TTC31: variants seen among roughly 807,000 people sequenced by gnomAD.
The protein encoded by TTC31 is tetratricopeptide repeat domain 31, also known as tetratricopeptide repeat protein 31.
TTC31 carries 59 observed loss-of-function variants against 60.4 expected under a neutral mutation model. The ratio of observed to expected loss-of-function variants is 0.98; its 90% CI spans 0.79 to 1.21. The LOEUF is 1.21. TTC31 is among the 50% of genes most tolerant of loss of function. TTC31 has a pLI of 0.00. For synonymous variants in TTC31, 225 were observed against 249.6 expected (o/e 0.90, Z 0.93); for missense variants, 672 against 646.9 (o/e 1.04, Z -0.42).
Position 74,490,022 on chromosome 2 carries a change from C to G in TTC31, c.130-3C>G. ...CCTCCCCTCCCCTCCCCTCCCCTCC[C>G]AGGACATAGTGGATTTTCTTCGACG... On this transcript the variant is annotated splice_region_variant and splice_polypyrimidine_tract_variant and intron_variant, in intron 2 of 12. Coordinates refer to ENST00000233623, the MANE Select transcript of TTC31 (RefSeq NM_022492.6). 3 of 1,553,800 alleles carry G rather than the reference C, an allele frequency of 1.9e-6. No homozygotes were observed. The highest frequency in any genetic ancestry group is 2.6e-6 in the Non-Finnish European group (3 of 1,147,706).
intron 1 of TTC31, 82 bp downstream of exon 1, chr2:74,483,217 G>C (rs1281207268): frequency 1.2e-6 from 2 of 1,613,580 alleles, no homozygotes; most frequent in Non-Finnish European, 1.7e-6. Context: ...TGAACGTTTC[G>C]AGTAGGATTT....
intron 11 of TTC31, 33 bp from the exon 12 acceptor site, chr2:74,492,613 A>G: frequency 6.2e-7 from 1 of 1,612,334 alleles, no homozygotes; most frequent in Middle Eastern, 1.7e-4. Context: ...CTTGACACCT[A>G]ATCTTTTCTT....
At chr2:74,490,004 T>TCCCC (rs746109356) in intron 2 of TTC31, 21 bp from the exon 3 acceptor site, 8 of 635,524 alleles carry the variant, frequency 1.3e-5, no homozygotes, top group South Asian at 3.0e-5. Context: ...CAGCCTCCCC[T>TCCCC]CCCCTCCCCT....
intron 1 of TTC31, 86 bp from the exon 2 acceptor site, chr2:74,483,235 AG>A: frequency 1.2e-6 from 2 of 1,613,200 alleles, no homozygotes. Context: ...TTTTATGCAG[AG>A]GGCGGAGAGT....
rs1673659132 is a variant in TTC31, at chr2:74,490,126, T to C, written c.231T>C (p.His77=). The C allele has an allele frequency of 6.2e-7, 1 of 1,600,682 alleles. No individual in the cohort carries two copies. Among genetic ancestry groups the C allele is most frequent in the Non-Finnish European group, 8.5e-7 (1 of 1,173,558 alleles). Residue 77 remains histidine (H), a splice_region_variant and synonymous_variant, in exon 3 of 13, where the codon CAT becomes CAC. Transcript: ENST00000233623. Reference sequence around the variant, plus strand: ...GCGGGCGGCTGCAGCTGTGGCACCATGGTGGGGAGTGCAGGGACCGGGCCC... The same window carrying C: ...GCGGGCGGCTGCAGCTGTGGCACCACGGTGGGGAGTGCAGGGACCGGGCCC... The part of the protein sequence containing the change: ...GSSGRLQLWH[H]DYLLGHLDDE...
rs555079760 is a variant in TTC31 at position 74,493,679 on chromosome 2, G to A, written c.*461G>A. ...TCTTCTCAGCCCCAGCTCGTGCCCT[G>A]TTTTTCTAGCCATAGCCCCCAGATT... is the stretch of plus-strand genomic sequence containing the variant. On this transcript the variant is annotated 3_prime_UTR_variant, in exon 13 of 13. Coordinates refer to ENST00000233623, the MANE Select transcript of TTC31 (RefSeq NM_022492.6). The A allele has an allele frequency of 6.3e-6, 1 of 158,386 alleles. No individual in the cohort carries two copies. Among genetic ancestry groups the A allele is most frequent in the East Asian group, 1.9e-4 (1 of 5,312 alleles). 9.8% of individuals were successfully genotyped at this position (158,386 alleles called of 1,614,324 possible).
chr2:74,492,712 C>G lies in TTC31; in HGVS notation c.1228C>G (p.Arg410Gly). The G allele has an allele frequency of 6.2e-7, 1 of 1,614,162 alleles. No homozygotes were observed. The highest frequency in any genetic ancestry group is 8.5e-7 in the Non-Finnish European group (1 of 1,180,024). ...LRGGSQPDAARELRSCLLHLT... is the reference protein window; with the variant it reads ...LRGGSQPDAAGELRSCLLHLT... ...AGGTGGGTCCCAGCCTGACGCAGCC[C>G]GAGAGCTCCGCTCTTGCCTTCTCCA... Residue 410 changes from arginine (R) to glycine (G), a missense_variant, in exon 12 of 13, where the codon CGA becomes GGA. Physicochemically the swap from Arg to Gly is moderately radical, Grantham distance 125. Coordinates refer to ENST00000233623, the MANE Select transcript of TTC31 (RefSeq NM_022492.6).
At chr2:74,483,470 C>CAGCT in intron 2 of TTC31, 60 bp downstream of exon 2, 1 of 1,612,120 alleles carries the variant, frequency 6.2e-7, no homozygotes, top group Middle Eastern at 1.6e-4. Context: ...TCTTTGAAGT[C>CAGCT]AGCTGTGCAG....
rs879511005 is a variant in TTC31 at position 74,486,264 on chromosome 2, C to CA, written c.129+2867dup. Reference sequence around the variant, plus strand: ...CTGGAGACAGGGTTAGACTCCGTCTCAAAAAAAAAAAAAGTTCACACTCAC... The same window carrying CA: ...CTGGAGACAGGGTTAGACTCCGTCTCAAAAAAAAAAAAAAGTTCACACTCAC... On this transcript the variant is annotated intron_variant, in intron 2 of 12. Transcript: ENST00000233623. Among the ~76,000 whole-genome samples the CA allele has an allele frequency of 4.0e-3, 552 of 139,022 alleles. 2 individuals carry two copies. Among genetic ancestry groups the CA allele is most frequent in the Middle Eastern group, 0.011 (3 of 262 alleles). 91.2% of individuals were successfully genotyped at this position (139,022 alleles called of 152,430 possible).
chr2:74,483,847 G>C, intron 2 of TTC31: 1 of 211,266 alleles, frequency 4.7e-6, no homozygotes, highest in South Asian at 7.3e-5. Context: ...CCCGCGTGGT[G>C]GGTGGGGGAT....
chr2:74,483,099 G>A lies in TTC31; in HGVS notation c.4G>A (p.Ala2Thr), dbSNP rs1382833134. 1 of 1,614,236 alleles carries A rather than the reference G, an allele frequency of 6.2e-7. No individual in the cohort carries two copies. The highest frequency in any genetic ancestry group is 1.7e-5 in the Admixed American group (1 of 60,020). Residue 2 changes from alanine (A) to threonine (T), a missense_variant, in exon 1 of 13, where the codon GCG becomes ACG. Physicochemically the swap from Ala to Thr is moderately conservative, Grantham distance 58. Coordinates refer to ENST00000233623, the MANE Select transcript of TTC31 (RefSeq NM_022492.6). ...TTTCCGGGTCACTGTAGATGCGATG[G>A]CGCCGATTCCAAAGACTGTGGGGCG... M[A>T]PIPKTVGRIK...
Position 74,491,548 on chromosome 2 carries a change from G to T in TTC31, c.752G>T (p.Ser251Ile). 2 of 1,614,020 alleles carry T rather than the reference G, an allele frequency of 1.2e-6. No homozygotes were observed. The highest frequency in any genetic ancestry group is 3.3e-4 in the Middle Eastern group (2 of 6,062). ...ALRKVGDWPL[S>I]ARREKGLNQE... ...CGCAAGGTTGGGGATTGGCCCCTCA[G>T]TGCCCGCAGAGAGAAGGGACTGAAC... The change falls in exon 8 of 13, where the codon AGT becomes ATT. Residue 251 changes from serine (S) to isoleucine (I), a missense_variant. Coordinates refer to ENST00000233623, the MANE Select transcript of TTC31 (RefSeq NM_022492.6).
rs150784202 is a variant in TTC31 at position 74,485,318 on chromosome 2, C to T, written c.129+1908C>T. Among the ~76,000 whole-genome samples the T allele has an allele frequency of 6.6e-5, 10 of 151,966 alleles. No individual in the cohort carries two copies. In the East Asian group the frequency reaches 9.7e-4, roughly 15 times the overall value. On this transcript the variant is annotated intron_variant, in intron 2 of 12. Coordinates refer to ENST00000233623, the MANE Select transcript of TTC31 (RefSeq NM_022492.6). ...GGGTTACAGGCATGAGCCACCATGC[C>T]GGCCACTAAAATCTACTTCTAAATG...
chr2:74,490,822 G>A, intron 5 of TTC31, 83 bp downstream of exon 5: 1 of 1,416,514 alleles, frequency 7.1e-7, no homozygotes, highest in Non-Finnish European at 9.7e-7. Flanking sequence ...GAACAGGAGA[G>A]AGCTCAAGAT....
chr2:74,490,380 C>T lies in TTC31; in HGVS notation c.369C>T (p.Cys123=), dbSNP rs747511254. Residue 123 remains cysteine (C), a synonymous_variant, in exon 4 of 13, where the codon TGC becomes TGT. Coordinates refer to ENST00000233623, the MANE Select transcript of TTC31 (RefSeq NM_022492.6). The part of the protein sequence containing the change: ...FLYPPQESEP[C]PQSPSASATF... The stretch of plus-strand genomic sequence containing the variant: ...ATCCTCCCCAAGAGTCTGAGCCCTG[C>T]CCTCAAAGCCCCTCTGCCTCTGCCA... 1.2e-6 allele frequency: 2 copies of T among 1,614,100 alleles called. No homozygotes were observed. Among genetic ancestry groups the T allele is most frequent in the South Asian group, 1.1e-5 (1 of 91,080 alleles).
At chr2:74,490,616 T>C in intron 4 of TTC31, 40 bp from the exon 5 acceptor site, 1 of 1,603,746 alleles carries the variant, frequency 6.2e-7, no homozygotes, top group Non-Finnish European at 8.5e-7. Flanking sequence ...TCCATTTCCC[T>C]GTTTCTCTCT....
chr2:74,484,821 A>G (rs1358748350), intron 2 of TTC31, among the ~76,000 whole-genome samples: 1 of 152,066 alleles, frequency 6.6e-6, no homozygotes, highest in Admixed American at 6.5e-5. Flanking sequence ...TATACTCCCT[A>G]GAATCTCAAA....
At chr2:74,483,463 T>G in intron 2 of TTC31, 53 bp downstream of exon 2, 1 of 1,613,290 alleles carries the variant, frequency 6.2e-7, no homozygotes, top group Non-Finnish European at 8.5e-7. Context: ...TCACGCCTCT[T>G]TGAAGTCAGC....
At chr2:74,487,438 G>T (rs759492258) in intron 2 of TTC31, among the ~76,000 whole-genome samples, 1 of 151,792 alleles carries the variant, frequency 6.6e-6, no homozygotes, top group Admixed American at 6.6e-5. Context: ...GGCTGGTCTC[G>T]AACTCCTGAC....
Sources: allele counts gnomAD v4.1 joint callset (sites outside exome capture counted in the v4.1 genomes callset), GRCh38; gene constraint gnomAD v4.1.1; transcripts MANE v1.5; gene names NCBI Gene and HGNC (gene_info 2026-07-23, HGNC 2026-07-21).